NIPAL2: variants seen among roughly 807,000 people sequenced by gnomAD.
The protein encoded by NIPAL2 is NIPA like domain containing 2.
In NIPAL2, 43 loss-of-function variants were observed where a neutral mutation model predicts 48.9. The observed-to-expected ratio is 0.88, with a 90% CI of 0.69 to 1.13. NIPAL2 has a LOEUF of 1.13. NIPAL2 is among the 50% of genes most tolerant of loss of function. NIPAL2 has a pLI of 0.00. For synonymous variants in NIPAL2, 167 were observed against 174.6 expected (o/e 0.96, Z 0.34); for missense variants, 446 against 461.4 (o/e 0.97, Z 0.31).
At position 98,294,226 on chromosome 8, in the gene NIPAL2, C is replaced by T. The variant is rs1156792689; in HGVS notation, c.-89G>A. On this transcript the variant is annotated 5_prime_UTR_variant, in exon 1 of 11. The change creates a new upstream start codon in the 5' untranslated region. Transcript: ENST00000430223. ...CCGCGAGGAGGCCGCGCCGCAGCCA[C>T]TTCCTGCTCGGTGCCCGGGCGAGGC... The T allele has an allele frequency of 8.4e-7, 1 of 1,187,816 alleles. No individual in the cohort carries two copies. Among genetic ancestry groups the T allele is most frequent in the Non-Finnish European group, 1.0e-6 (1 of 960,324 alleles). The allele number at this position is 1,187,816 out of a possible 1,614,324, so 73.6% of individuals were successfully genotyped here.
chr8:98,222,640 A>G (rs934402320), intron 4 of NIPAL2, 40 bp from the exon 5 acceptor site: 1 of 1,606,246 alleles, frequency 6.2e-7, no homozygotes. Flanking sequence ...ATTGAAACCA[A>G]CCTAAAGCTT....
intron 1 of NIPAL2, among the ~76,000 whole-genome samples, chr8:98,268,905 A>G (rs1250428487): frequency 6.6e-6 from 1 of 152,208 alleles, no homozygotes; most frequent in Non-Finnish European, 1.5e-5. Flanking sequence ...TTTATTACCA[A>G]AAATGCTAAT....
At chr8:98,233,656 C>A (rs1034789109) in intron 4 of NIPAL2, among the ~76,000 whole-genome samples, 1 of 152,144 alleles carries the variant, frequency 6.6e-6, no homozygotes, top group African/African-American at 2.4e-5. Context: ...ATGTTGAGAG[C>A]TGGTTTATTG....
intron 4 of NIPAL2, among the ~76,000 whole-genome samples, chr8:98,234,803 C>T (rs533923288): frequency 6.6e-6 from 1 of 151,828 alleles, no homozygotes; most frequent in South Asian, 2.1e-4. Context: ...CCGTCTGCCT[C>T]GGCCTCCCAA....
chr8:98,233,101 T>C (rs1379025768), intron 4 of NIPAL2, among the ~76,000 whole-genome samples: 2 of 151,928 alleles, frequency 1.3e-5, no homozygotes, highest in Non-Finnish European at 2.9e-5. Flanking sequence ...CTACTAAAAA[T>C]ACAAAATTTA....
intron 1 of NIPAL2, among the ~76,000 whole-genome samples, chr8:98,270,246 T>C (rs536744848): frequency 6.6e-5 from 10 of 152,288 alleles, no homozygotes; most frequent in African/African-American, 2.2e-4. Context: ...TTTTAGTTTT[T>C]TGAGAAATCT....
chr8:98,281,037 A>C (rs978614844), intron 1 of NIPAL2, among the ~76,000 whole-genome samples: 36 of 152,190 alleles, frequency 2.4e-4, no homozygotes, highest in African/African-American at 8.7e-4. Context: ...TGGCAGAACC[A>C]AGAAAAGATG....
At chr8:98,239,785 T>A (rs1429140734) in intron 3 of NIPAL2, among the ~76,000 whole-genome samples, 1 of 152,220 alleles carries the variant, frequency 6.6e-6, no homozygotes, top group Non-Finnish European at 1.5e-5. Flanking sequence ...ACATTTACTT[T>A]CAACTCATTT....
At chr8:98,256,371 G>A (rs1040124780) in intron 1 of NIPAL2, among the ~76,000 whole-genome samples, 1 of 152,108 alleles carries the variant, frequency 6.6e-6, no homozygotes, top group Non-Finnish European at 1.5e-5. Flanking sequence ...AGAGTGAAAG[G>A]CAACCCATGG....
chr8:98,219,886 C>G (rs960973811), intron 5 of NIPAL2, among the ~76,000 whole-genome samples: 3 of 152,152 alleles, frequency 2.0e-5, no homozygotes, highest in African/African-American at 7.2e-5. Flanking sequence ...CTCCTTTGAC[C>G]CACAGCCCCA....
intron 6 of NIPAL2, among the ~76,000 whole-genome samples, chr8:98,205,662 TA>T (rs1180023174): frequency 6.6e-6 from 1 of 152,120 alleles, no homozygotes; most frequent in East Asian, 1.9e-4. Context: ...ACTGAAAATT[TA>T]AAAACCAAGT....
At chr8:98,266,260 T>C (rs1814728322) in intron 1 of NIPAL2, among the ~76,000 whole-genome samples, 1 of 141,232 alleles carries the variant, frequency 7.1e-6, no homozygotes. Flanking sequence ...TGTGCACATG[T>C]ACCCTAAAAC....
intron 7 of NIPAL2, 97 bp from the exon 8 acceptor site, chr8:98,203,293 T>G: frequency 2.3e-6 from 2 of 882,312 alleles, no homozygotes; most frequent in Non-Finnish European, 3.8e-6. Flanking sequence ...TAGCTACAAC[T>G]ACAAAGGGAA....
At chr8:98,278,019 A>T (rs1159052016) in intron 1 of NIPAL2, among the ~76,000 whole-genome samples, 1 of 151,998 alleles carries the variant, frequency 6.6e-6, no homozygotes, top group Non-Finnish European at 1.5e-5. Flanking sequence ...ACTCTCTGTC[A>T]CTCTGCAAAT....
chr8:98,267,773 A>G (rs1011252272), intron 1 of NIPAL2, among the ~76,000 whole-genome samples: 3 of 152,200 alleles, frequency 2.0e-5, no homozygotes, highest in African/African-American at 4.8e-5. Context: ...AAATTTACTC[A>G]TATTTCAAAG....
Position 98,217,946 on chromosome 8 carries a change from G to A in NIPAL2, c.558+4533C>T, listed in dbSNP as rs139354225. ...TGTCTAACCACCACTTAATGGATAC[G>A]TGAATAAATGAACGAATAAATTTAT... On this transcript the variant is annotated intron_variant, in intron 5 of 10. Coordinates refer to ENST00000430223, the MANE Select transcript of NIPAL2 (RefSeq NM_001321635.2). Among the ~76,000 whole-genome samples the A allele has an allele frequency of 1.6e-4, 24 of 152,192 alleles. No homozygotes were observed. In the East Asian group the frequency reaches 3.7e-3, roughly 23 times the overall value.
chr8:98,233,287 A>G (rs1049653803), intron 4 of NIPAL2, among the ~76,000 whole-genome samples: 4 of 151,926 alleles, frequency 2.6e-5, no homozygotes, highest in African/African-American at 9.7e-5. Context: ...AGGAATTAGC[A>G]AAGAATCCCA....
chr8:98,235,851 T>C (rs546239137), intron 4 of NIPAL2, among the ~76,000 whole-genome samples: 1 of 151,562 alleles, frequency 6.6e-6, no homozygotes, highest in South Asian at 2.1e-4. Flanking sequence ...TATAATAATA[T>C]AATCCCTTCA....
At chr8:98,280,078 T>C (rs1383864948) in intron 1 of NIPAL2, among the ~76,000 whole-genome samples, 1 of 152,242 alleles carries the variant, frequency 6.6e-6, no homozygotes, top group East Asian at 1.9e-4. Flanking sequence ...CCTGTAGTAC[T>C]GTGTTATTGA....
Sources: gnomAD v4.1 joint callset for allele counts (sites outside exome capture counted in the v4.1 genomes callset) on GRCh38, gnomAD v4.1.1 for gene constraint, MANE v1.5 for transcripts, NCBI Gene and HGNC (gene_info 2026-07-23, HGNC 2026-07-21) for gene names.